The following PDE4D variants were observed in gnomAD, a reference collection of about 807,000 sequenced individuals.
PDE4D encodes the protein 3',5'-cyclic-AMP phosphodiesterase 4D.
In PDE4D, 24 loss-of-function variants were observed where a neutral mutation model predicts 87.4. The ratio of observed to expected loss-of-function variants is 0.27; its 90% CI spans 0.20 to 0.39. PDE4D has a LOEUF of 0.39. Ranked by LOEUF, PDE4D falls within the 10% of genes least tolerant of loss-of-function variation. PDE4D has a pLI of 1.00. For synonymous variants in PDE4D, 384 were observed against 383.2 expected (o/e 1.00, Z -0.02); for missense variants, 714 against 1,041.0 (o/e 0.69, Z 4.32).
intron 1 of PDE4D, among the ~76,000 whole-genome samples, chr5:60,266,111 C>T (rs1472615757): frequency 6.6e-6 from 1 of 152,022 alleles, no homozygotes; most frequent in East Asian, 1.9e-4. Flanking sequence ...AAGGAGCAGA[C>T]ATTTACAAGG....
chr5:59,185,365 T>C (rs186022277), intron 3 of PDE4D, 103 bp from the exon 4 acceptor site: 1 of 748,118 alleles, frequency 1.3e-6, no homozygotes, highest in African/African-American at 1.8e-5. Context: ...TGCAACTTAG[T>C]TTCATATACC....
At chr5:59,562,704 T>G (rs1262268068) in intron 1 of PDE4D, among the ~76,000 whole-genome samples, 2 of 152,238 alleles carry the variant, frequency 1.3e-5, no homozygotes, top group African/African-American at 4.8e-5. Flanking sequence ...GAAAAATTCC[T>G]TAGAGTTTGT....
chr5:60,514,869 A>G (rs779894589), intron 1 of PDE4D, among the ~76,000 whole-genome samples: 2 of 152,120 alleles, frequency 1.3e-5, no homozygotes, highest in Non-Finnish European at 2.9e-5. Flanking sequence ...AAACAAGAAA[A>G]GGCATAGGAT....
At chr5:60,338,474 G>A (rs938549806) in intron 1 of PDE4D, among the ~76,000 whole-genome samples, 8 of 152,052 alleles carry the variant, frequency 5.3e-5, no homozygotes, top group Non-Finnish European at 7.4e-5. Flanking sequence ...TAACCCATTC[G>A]CTCTAGAGTC....
intron 2 of PDE4D, chr5:59,215,438 T>C: frequency 1.1e-5 from 3 of 279,334 alleles, no homozygotes; most frequent in South Asian, 4.1e-5. Context: ...TGTAGTTAGG[T>C]AGCTAAAACT....
intron 1 of PDE4D, among the ~76,000 whole-genome samples, chr5:60,407,066 G>A (rs1027054464): frequency 1.3e-5 from 2 of 152,156 alleles, no homozygotes; most frequent in East Asian, 3.9e-4. Context: ...CGGAAAAAGC[G>A]GAGGCCAAGC....
At chr5:60,500,183 G>A (rs542529344) in intron 1 of PDE4D, among the ~76,000 whole-genome samples, 2 of 151,962 alleles carry the variant, frequency 1.3e-5, no homozygotes, top group South Asian at 2.1e-4. Flanking sequence ...CCATACCTGT[G>A]GTCCCAGCTA....
At chr5:59,262,907 T>C (rs1440039562) in intron 1 of PDE4D, among the ~76,000 whole-genome samples, 1 of 151,728 alleles carries the variant, frequency 6.6e-6, no homozygotes, top group Non-Finnish European at 1.5e-5. Context: ...TCAGAAAATA[T>C]AGAGGAAAAC....
chr5:60,046,045 C>G (rs1255913785), intron 2 of PDE4D, among the ~76,000 whole-genome samples: 2 of 152,138 alleles, frequency 1.3e-5, no homozygotes, highest in African/African-American at 4.8e-5. Flanking sequence ...TTTCCTTGAG[C>G]AGTGGTTTGT....
At chr5:59,995,778 G>T (rs114996716) in intron 2 of PDE4D, among the ~76,000 whole-genome samples, 152 of 152,280 alleles carry the variant, frequency 1.0e-3, no homozygotes, top group African/African-American at 3.6e-3. Context: ...TGTTAGCCTG[G>T]ACACATGGAC....
At chr5:60,289,895 C>T (rs10514892) in intron 1 of PDE4D, among the ~76,000 whole-genome samples, 15,120 of 152,066 alleles carry the variant, frequency 0.099, 1,042 homozygotes, top group South Asian at 0.29. Context: ...ATTTTGACAG[C>T]GCATCTTTTA....
intron 1 of PDE4D, among the ~76,000 whole-genome samples, chr5:59,438,366 T>C (rs1256251091): frequency 6.6e-6 from 1 of 152,220 alleles, no homozygotes; most frequent in Non-Finnish European, 1.5e-5. Context: ...GATAGGAAGA[T>C]ATATGACTTG....
intron 2 of PDE4D, chr5:60,022,727 C>T (rs1050938650): frequency 6.6e-6 from 1 of 152,236 alleles, no homozygotes; most frequent in Non-Finnish European, 1.5e-5. Flanking sequence ...TTGGTAATTA[C>T]TTATTTCCAC....
Position 59,101,084 on chromosome 5 carries a change from G to A in PDE4D, c.809-62113C>T, listed in dbSNP as rs1580797474. On this transcript the variant is annotated intron_variant, in intron 5 of 14. Transcript: ENST00000340635. ...TTGGACTCCAAGAGTTTGGCTCTTT[G>A]ATTTAACTCATTTAGTAAAGATCAG... Among the ~76,000 whole-genome samples the A allele has an allele frequency of 2.6e-5, 4 of 152,200 alleles. No individual in the cohort carries two copies. The South Asian group carries it at 6.2e-4, about 24-fold the overall frequency.
At chr5:59,800,621 A>AC (rs1262047252) in intron 1 of PDE4D, among the ~76,000 whole-genome samples, 5 of 145,716 alleles carry the variant, frequency 3.4e-5, no homozygotes, top group African/African-American at 1.3e-4. Flanking sequence ...CCCCACCCCT[A>AC]CCCCCCTACT....
At chr5:59,273,835 T>C (rs951550914) in intron 1 of PDE4D, among the ~76,000 whole-genome samples, 2 of 152,156 alleles carry the variant, frequency 1.3e-5, no homozygotes, top group African/African-American at 4.8e-5. Flanking sequence ...AAATAGACTA[T>C]GATAATCTCA....
At chr5:60,113,192 T>C (rs1777847865) in intron 2 of PDE4D, among the ~76,000 whole-genome samples, 1 of 152,100 alleles carries the variant, frequency 6.6e-6, no homozygotes, top group Non-Finnish European at 1.5e-5. Flanking sequence ...GAAGGGCAAG[T>C]CCTAAGCAGG....
At chr5:59,223,101 C>G (rs909925913) in intron 1 of PDE4D, among the ~76,000 whole-genome samples, 2 of 152,190 alleles carry the variant, frequency 1.3e-5, no homozygotes, top group Non-Finnish European at 2.9e-5. Context: ...AATGAGGTGA[C>G]AGATGCTGGA....
chr5:59,161,437 T>C (rs903285894), intron 5 of PDE4D, among the ~76,000 whole-genome samples: 1 of 152,196 alleles, frequency 6.6e-6, no homozygotes, highest in African/African-American at 2.4e-5. Flanking sequence ...AAAGAGTTAT[T>C]ATCAGTAGAA....
Sources: gnomAD v4.1 joint callset for allele counts (sites outside exome capture counted in the v4.1 genomes callset) on GRCh38, gnomAD v4.1.1 for gene constraint, MANE v1.5 for transcripts, NCBI Gene and HGNC (gene_info 2026-07-23, HGNC 2026-07-21) for gene names.